Variants in SNTB2 observed in about 807,000 individuals in gnomAD.
The protein encoded by SNTB2 is syntrophin beta 2.
In SNTB2, 34 loss-of-function variants were observed where a neutral mutation model predicts 46.2. The ratio of observed to expected loss-of-function variants is 0.74; its 90% CI spans 0.56 to 0.98. The LOEUF (loss-of-function observed/expected upper bound fraction) is 0.98. SNTB2 is among the 50% of genes least tolerant of loss of function. The pLI is 0.00. For missense variants in SNTB2, 603 were observed against 731.4 expected (o/e 0.82, Z 2.02); for synonymous variants, 290 against 312.6 (o/e 0.93, Z 0.76).
intron 1 of SNTB2, among the ~76,000 whole-genome samples, chr16:69,242,283 A>G (rs888842609): frequency 4.6e-5 from 7 of 152,114 alleles, no homozygotes; most frequent in Non-Finnish European, 1.5e-5. Context: ...AAAGTTAGCC[A>G]GATGTGTCGG....
At chr16:69,223,393 C>A (rs546516013) in intron 1 of SNTB2, among the ~76,000 whole-genome samples, 1 of 152,024 alleles carries the variant, frequency 6.6e-6, no homozygotes, top group Non-Finnish European at 1.5e-5. Flanking sequence ...CAAGGTTTCG[C>A]CATGTTGGCC....
At chr16:69,258,721 C>T (rs1247591414) in intron 2 of SNTB2, among the ~76,000 whole-genome samples, 11 of 149,700 alleles carry the variant, frequency 7.3e-5, no homozygotes, top group Non-Finnish European at 1.3e-4. Context: ...AAGCAATTCT[C>T]CTGCCTCAGC....
rs1387697751 is a variant in SNTB2, at chr16:69,301,463, T to C, written c.*539T>C. 6.5e-6 allele frequency: 1 copy of C among 154,990 alleles called. No individual in the cohort carries two copies. Among genetic ancestry groups the C allele is most frequent in the Non-Finnish European group, 1.4e-5 (1 of 69,724 alleles). 9.6% of individuals were successfully genotyped at this position (154,990 alleles called of 1,614,324 possible). ...CTTCCACCATAGGAAGTCCTTGAATTGTATCACCAAAGGGTTGTTCCATTT... is the reference window on the plus strand; with the variant it reads ...CTTCCACCATAGGAAGTCCTTGAATCGTATCACCAAAGGGTTGTTCCATTT... On this transcript the variant is annotated 3_prime_UTR_variant, in exon 7 of 7. Transcript: ENST00000336278.
At chr16:69,262,511 T>A (rs1964843936) in intron 3 of SNTB2, among the ~76,000 whole-genome samples, 1 of 152,158 alleles carries the variant, frequency 6.6e-6, no homozygotes, top group African/African-American at 2.4e-5. Flanking sequence ...TTGTTTTTTT[T>A]AATTGGCAAA....
intron 1 of SNTB2, 96 bp downstream of exon 1, chr16:69,187,842 C>T (rs1173033402): frequency 1.1e-6 from 1 of 948,394 alleles, no homozygotes; most frequent in Non-Finnish European, 1.4e-6. Context: ...CGAGCCGGTT[C>T]TCTCCCCGTC....
intron 1 of SNTB2, among the ~76,000 whole-genome samples, chr16:69,223,850 T>G (rs1964431688): frequency 6.6e-6 from 1 of 152,120 alleles, no homozygotes; most frequent in Middle Eastern, 3.4e-3. Flanking sequence ...CAGGATGGTC[T>G]TGATCTCCTG....
chr16:69,190,461 A>G (rs1322856438), intron 1 of SNTB2, among the ~76,000 whole-genome samples: 1 of 152,246 alleles, frequency 6.6e-6, no homozygotes, highest in African/African-American at 2.4e-5. Flanking sequence ...GCACTTGAAG[A>G]TACCTGATTC....
chr16:69,206,788 A>G (rs1964223835), intron 1 of SNTB2, among the ~76,000 whole-genome samples: 1 of 151,222 alleles, frequency 6.6e-6, no homozygotes. Flanking sequence ...TTTTTGAGAC[A>G]GAGTTTTGCT....
intron 2 of SNTB2, among the ~76,000 whole-genome samples, chr16:69,256,360 T>C (rs986413109): frequency 1.3e-5 from 2 of 152,108 alleles, no homozygotes; most frequent in Admixed American, 6.5e-5. Flanking sequence ...AACATGAAAT[T>C]TCTTAATCAT....
chr16:69,271,474 T>G (rs748902836), intron 4 of SNTB2, among the ~76,000 whole-genome samples: 8 of 152,210 alleles, frequency 5.3e-5, no homozygotes, highest in Non-Finnish European at 8.8e-5. Flanking sequence ...GACTTAGTCA[T>G]CTCAGCACTT....
intron 4 of SNTB2, among the ~76,000 whole-genome samples, chr16:69,273,761 G>A (rs1038153844): frequency 3.3e-5 from 5 of 152,126 alleles, no homozygotes; most frequent in African/African-American, 9.7e-5. Flanking sequence ...TGAAAAGAGA[G>A]ACTAAGACTG....
At chr16:69,282,676 C>T (rs1237864767) in intron 4 of SNTB2, among the ~76,000 whole-genome samples, 1 of 86,502 alleles carries the variant, frequency 1.2e-5, no homozygotes, top group Non-Finnish European at 2.6e-5. Context: ...TGTAGATCAC[C>T]TAAAAGAGAA....
rs1964022916 is a variant in SNTB2 at position 69,189,013 on chromosome 16, G to A, written c.580+1267G>A. Among the ~76,000 whole-genome samples the A allele has an allele frequency of 2.6e-5, 4 of 152,266 alleles. No individual in the cohort carries two copies. In the South Asian group the frequency reaches 6.2e-4, roughly 24 times the overall value. On this transcript the variant is annotated intron_variant, in intron 1 of 6. Coordinates refer to ENST00000336278, the MANE Select transcript of SNTB2 (RefSeq NM_006750.4). ...GAAGGACAGAAGGGAAGGGCTGGGG[G>A]CTGCTGGTGAAGAAGGACCAATCGT...
At chr16:69,220,654 A>G (rs1964395046) in intron 1 of SNTB2, among the ~76,000 whole-genome samples, 1 of 151,854 alleles carries the variant, frequency 6.6e-6, no homozygotes, top group African/African-American at 2.4e-5. Flanking sequence ...CAGCCTTCCT[A>G]GTAGCTGGGA....
intron 3 of SNTB2, among the ~76,000 whole-genome samples, chr16:69,262,171 A>T (rs1331560123): frequency 6.6e-6 from 1 of 152,242 alleles, no homozygotes; most frequent in South Asian, 2.1e-4. Context: ...TATCAACATT[A>T]TCTGCATATA....
chr16:69,295,731 G>GAA (rs540308887), intron 5 of SNTB2, among the ~76,000 whole-genome samples: 26 of 122,228 alleles, frequency 2.1e-4, no homozygotes, highest in Non-Finnish European at 3.3e-4. Context: ...AATTTATACT[G>GAA]AAAAAAAAAA....
chr16:69,248,869 CT>C (rs557681788), intron 2 of SNTB2, among the ~76,000 whole-genome samples: 6,596 of 118,748 alleles, frequency 0.056, 326 homozygotes, highest in African/African-American at 0.14. Flanking sequence ...TAATCATGGG[CT>C]TTTTTTTTTT....
chr16:69,266,870 T>A (rs1178197527), intron 3 of SNTB2, among the ~76,000 whole-genome samples: 7 of 151,912 alleles, frequency 4.6e-5, no homozygotes, highest in Admixed American at 4.6e-4. Context: ...ATGCACACCA[T>A]CATGCCTGGC....
At chr16:69,231,003 A>C (rs920017041) in intron 1 of SNTB2, 2 of 151,964 alleles carry the variant, frequency 1.3e-5, no homozygotes, top group African/African-American at 4.8e-5. Flanking sequence ...TCGGCCTCCC[A>C]AAGTGCTGGG....
Sources: allele counts gnomAD v4.1 joint callset (sites outside exome capture counted in the v4.1 genomes callset), GRCh38; gene constraint gnomAD v4.1.1; transcripts MANE v1.5; gene names NCBI Gene and HGNC (gene_info 2026-07-23, HGNC 2026-07-21).